The following LYPLAL1 variants were observed in gnomAD, a reference collection of about 807,000 sequenced individuals.
LYPLAL1 encodes lysophospholipase-like protein 1.
LYPLAL1 carries 23 observed loss-of-function variants against 19.7 expected under a neutral mutation model. The observed-to-expected ratio is 1.17, with a 90% CI of 0.84 to 1.65. The LOEUF (loss-of-function observed/expected upper bound fraction) is 1.65. Ranked by LOEUF, LYPLAL1 falls within the 40% of genes most tolerant of loss-of-function variation. LYPLAL1 has a pLI of 0.00. For synonymous variants in LYPLAL1, 119 were observed against 96.3 expected (o/e 1.24, Z -1.38); for missense variants, 355 against 279.4 (o/e 1.27, Z -1.93).
chr1:219,191,827 A>G (rs1337906806), intron 2 of LYPLAL1, among the ~76,000 whole-genome samples: 2 of 151,718 alleles, frequency 1.3e-5, no homozygotes, highest in East Asian at 3.9e-4. Flanking sequence ...AGAGGTATTC[A>G]TCATATCCAT....
At chr1:219,364,514 A>G in the LYPLAL1 span, among the ~76,000 whole-genome samples, 1 of 151,830 alleles carries the variant, frequency 6.6e-6, no homozygotes, top group Admixed American at 6.6e-5. Flanking sequence ...TCTTTTTCGC[A>G]TCTTGTTGTT....
At chr1:219,180,964 A>G (rs1221135975) in intron 2 of LYPLAL1, among the ~76,000 whole-genome samples, 2 of 152,188 alleles carry the variant, frequency 1.3e-5, no homozygotes, top group African/African-American at 4.8e-5. Flanking sequence ...TTTATAACCA[A>G]TAGCTATTTG....
chr1:219,434,067 C>T, the LYPLAL1 span, among the ~76,000 whole-genome samples: 3 of 152,142 alleles, frequency 2.0e-5, no homozygotes, highest in Non-Finnish European at 4.4e-5. Flanking sequence ...AAAAAAGTCA[C>T]TGTAAAATAC....
the LYPLAL1 span, among the ~76,000 whole-genome samples, chr1:219,330,316 A>G: frequency 6.6e-6 from 1 of 152,318 alleles, no homozygotes; most frequent in East Asian, 1.9e-4. Flanking sequence ...ACTGCAGACA[A>G]TATATTTAAT....
At chr1:219,375,490 T>TAAAAAA in the LYPLAL1 span, among the ~76,000 whole-genome samples, 1 of 37,488 alleles carries the variant, frequency 2.7e-5, no homozygotes, top group South Asian at 1.1e-3. Flanking sequence ...AAACTCCTTC[T>TAAAAAA]AAAAAAAAAA....
the LYPLAL1 span, among the ~76,000 whole-genome samples, chr1:219,289,078 G>GTTTT: frequency 0.15 from 16,803 of 114,368 alleles, 1,638 homozygotes; most frequent in Non-Finnish European, 0.21. Context: ...CTCTTGTTTT[G>GTTTT]TTTTTTTTGT....
At chr1:219,393,282 G>T in the LYPLAL1 span, among the ~76,000 whole-genome samples, 2 of 152,174 alleles carry the variant, frequency 1.3e-5, no homozygotes, top group Non-Finnish European at 2.9e-5. Context: ...AGCCCAAAAT[G>T]GCCTTGTCTT....
chr1:219,439,587 A>C, the LYPLAL1 span, among the ~76,000 whole-genome samples: 9 of 152,316 alleles, frequency 5.9e-5, no homozygotes, highest in African/African-American at 2.2e-4. Context: ...AATATTAGAT[A>C]TATCAAAATA....
At chr1:219,410,646 TG>T in the LYPLAL1 span, among the ~76,000 whole-genome samples, 1 of 152,106 alleles carries the variant, frequency 6.6e-6, no homozygotes, top group East Asian at 1.9e-4. Context: ...CAGGGAGGTG[TG>T]GAGGGAGAGG....
chr1:219,306,980 C>T, the LYPLAL1 span, among the ~76,000 whole-genome samples: 294 of 149,284 alleles, frequency 2.0e-3, no homozygotes, highest in African/African-American at 6.6e-3. Flanking sequence ...GCTGGTAATA[C>T]AATTTTTGGC....
the LYPLAL1 span, among the ~76,000 whole-genome samples, chr1:219,317,353 T>C: frequency 6.6e-6 from 1 of 152,194 alleles, no homozygotes; most frequent in African/African-American, 2.4e-5. Flanking sequence ...GGAACTATTT[T>C]CAGCCCCTCC....
the LYPLAL1 span, among the ~76,000 whole-genome samples, chr1:219,230,048 G>C: frequency 6.6e-6 from 1 of 152,140 alleles, no homozygotes; most frequent in African/African-American, 2.4e-5. Context: ...CTCTGAAATA[G>C]AAACTTTTGA....
At chr1:219,363,721 A>G in the LYPLAL1 span, among the ~76,000 whole-genome samples, 2 of 152,148 alleles carry the variant, frequency 1.3e-5, no homozygotes, top group African/African-American at 2.4e-5. Context: ...CATTCACATA[A>G]TTCTAGCCAC....
chr1:219,337,830 C>A, the LYPLAL1 span, among the ~76,000 whole-genome samples: 1 of 151,976 alleles, frequency 6.6e-6, no homozygotes, highest in Non-Finnish European at 1.5e-5. Context: ...TTATGGCCTG[C>A]AGAATCTAAA....
At chr1:219,241,867 T>C in the LYPLAL1 span, among the ~76,000 whole-genome samples, 1 of 152,156 alleles carries the variant, frequency 6.6e-6, no homozygotes, top group Non-Finnish European at 1.5e-5. Context: ...TTCAGAGGGA[T>C]GTTAACTGGA....
In LYPLAL1 at chr1:219,193,115, T is replaced by C. The variant is rs1356101911; in HGVS notation, c.225T>C (p.Asn75=). ...SYTPMKGGIS[N]VWFDRFKITN... Reference sequence around the variant, plus strand: ...CTCCTATGAAAGGAGGAATCTCCAATGTATGGTTTGACAGATTTAAAATAA... The same window carrying C: ...CTCCTATGAAAGGAGGAATCTCCAACGTATGGTTTGACAGATTTAAAATAA... The change falls in exon 3 of 5, where the codon AAT becomes AAC. Residue 75 remains asparagine, a synonymous_variant. Transcript: ENST00000366928. The C allele has an allele frequency of 1.2e-6, 2 of 1,601,486 alleles. No individual in the cohort carries two copies. The highest frequency in any genetic ancestry group is 2.3e-5 in the East Asian group (1 of 44,266).
the LYPLAL1 span, among the ~76,000 whole-genome samples, chr1:219,292,682 C>T: frequency 1.3e-5 from 2 of 152,308 alleles, no homozygotes; most frequent in Admixed American, 6.5e-5. Flanking sequence ...ATTCACTGAA[C>T]ACTTTAGATG....
At chr1:219,312,895 C>T in the LYPLAL1 span, among the ~76,000 whole-genome samples, 2 of 152,178 alleles carry the variant, frequency 1.3e-5, no homozygotes, top group African/African-American at 4.8e-5. Context: ...AGTCTTATCA[C>T]TGTGACTACA....
the LYPLAL1 span, among the ~76,000 whole-genome samples, chr1:219,364,351 G>A: frequency 1.5e-4 from 23 of 152,152 alleles, no homozygotes; most frequent in African/African-American, 5.3e-4. Context: ...CCCAAAATCT[G>A]CCTATTTTCC....
Sources: gnomAD v4.1 joint callset for allele counts (sites outside exome capture counted in the v4.1 genomes callset) on GRCh38, gnomAD v4.1.1 for gene constraint, MANE v1.5 for transcripts, NCBI Gene and HGNC (gene_info 2026-07-23, HGNC 2026-07-21) for gene names.